OXR1: variants seen among roughly 807,000 people sequenced by gnomAD.
The protein encoded by OXR1 is oxidation resistance protein 1.
Under a neutral mutation model 104.6 loss-of-function variants are expected in OXR1, and 41 were observed. That is an observed-to-expected ratio of 0.39 (90% CI 0.31 to 0.51). OXR1 has a LOEUF of 0.51. OXR1 is among the 20% of genes least tolerant of loss of function. The probability of loss-of-function intolerance (pLI) is 0.77; values close to 1 mark genes in which losing one functional copy is unlikely to be tolerated. For synonymous variants in OXR1, 348 were observed against 348.4 expected (o/e 1.00, Z 0.01); for missense variants, 955 against 1,031.9 (o/e 0.93, Z 1.02).
intron 2 of OXR1, among the ~76,000 whole-genome samples, chr8:106,371,099 G>A (rs2130375322): frequency 6.6e-6 from 1 of 152,008 alleles, no homozygotes; most frequent in East Asian, 1.9e-4. Flanking sequence ...GGTCTATTCA[G>A]GGATTTGACT....
chr8:106,320,099 C>T (rs1041242047), intron 1 of OXR1, among the ~76,000 whole-genome samples: 2 of 152,174 alleles, frequency 1.3e-5, no homozygotes, highest in African/African-American at 4.8e-5. Flanking sequence ...ATTCAAAGCA[C>T]ACATCACATA....
At chr8:106,480,800 A>G (rs546267017) in intron 2 of OXR1, among the ~76,000 whole-genome samples, 46 of 152,146 alleles carry the variant, frequency 3.0e-4, no homozygotes, top group Admixed American at 3.9e-4. Flanking sequence ...TGCCTTGCCT[A>G]TCTCACAAAA....
intron 3 of OXR1, among the ~76,000 whole-genome samples, chr8:106,550,247 G>GA (rs1368496036): frequency 6.6e-6 from 1 of 152,174 alleles, no homozygotes; most frequent in Non-Finnish European, 1.5e-5. Context: ...TTCCAATGGA[G>GA]AAAAATGTTA....
intron 6 of OXR1, among the ~76,000 whole-genome samples, chr8:106,689,901 G>C (rs1206498207): frequency 6.6e-6 from 1 of 151,802 alleles, no homozygotes; most frequent in Non-Finnish European, 1.5e-5. Context: ...GAATATCAAA[G>C]TAGTTTGAAA....
At chr8:106,636,853 G>C (rs150721588) in intron 3 of OXR1, among the ~76,000 whole-genome samples, 142 of 152,280 alleles carry the variant, frequency 9.3e-4, no homozygotes, top group African/African-American at 3.1e-3. Flanking sequence ...CATGGTGACA[G>C]GCTCCCTATT....
chr8:106,705,375 G>T (rs1270541392), intron 8 of OXR1, among the ~76,000 whole-genome samples: 3 of 152,036 alleles, frequency 2.0e-5, no homozygotes, highest in South Asian at 2.1e-4. Context: ...ATCCATCCTA[G>T]TTATAGAAAT....
intron 2 of OXR1, among the ~76,000 whole-genome samples, chr8:106,441,729 G>T (rs1219275041): frequency 2.6e-5 from 4 of 152,136 alleles, no homozygotes; most frequent in African/African-American, 9.7e-5. Flanking sequence ...CCAATTGTTG[G>T]TGTAAAGGAA....
At chr8:106,295,279 G>A (rs535766701) in intron 1 of OXR1, among the ~76,000 whole-genome samples, 35 of 152,156 alleles carry the variant, frequency 2.3e-4, no homozygotes, top group African/African-American at 8.2e-4. Context: ...ATTTAAATGA[G>A]GATTACACAT....
chr8:106,500,202 A>G (rs1441949264), intron 2 of OXR1, among the ~76,000 whole-genome samples: 1 of 152,234 alleles, frequency 6.6e-6, no homozygotes, highest in Non-Finnish European at 1.5e-5. Flanking sequence ...AGACCCTCTC[A>G]TATTATTTTA....
intron 2 of OXR1, among the ~76,000 whole-genome samples, chr8:106,418,332 G>A (rs530577680): frequency 6.6e-6 from 1 of 152,054 alleles, no homozygotes; most frequent in Admixed American, 6.6e-5. Flanking sequence ...TAATATGTTT[G>A]TCTCCTCTCA....
intron 3 of OXR1, among the ~76,000 whole-genome samples, chr8:106,659,990 G>A (rs568500213): frequency 3.5e-4 from 54 of 152,350 alleles, no homozygotes; most frequent in African/African-American, 1.3e-3. Context: ...GAGGCGTTGT[G>A]AGGTCAAAGT....
At position 106,703,110 on chromosome 8, in the gene OXR1, T is replaced by C; in HGVS notation, c.860+20T>C. On this transcript the variant is annotated intron_variant, in intron 8 of 16. Transcript: ENST00000517566. The stretch of plus-strand genomic sequence containing the variant: ...ACCCATGTAAGAGTGATATTTATAT[T>C]CCTTTGCAACTTTATTGTATCTAGA... 6.5e-7 allele frequency: 1 copy of C among 1,540,068 alleles called. No individual in the cohort carries two copies. The highest frequency in any genetic ancestry group is 8.9e-7 in the Non-Finnish European group (1 of 1,117,592).
chr8:106,455,189 A>T (rs1820538217), intron 2 of OXR1, among the ~76,000 whole-genome samples: 1 of 152,116 alleles, frequency 6.6e-6, no homozygotes, highest in Non-Finnish European at 1.5e-5. Context: ...TTAACAAAGG[A>T]TTTGTTATTT....
chr8:106,453,877 G>A (rs1820459550), intron 2 of OXR1, among the ~76,000 whole-genome samples: 1 of 105,844 alleles, frequency 9.4e-6, no homozygotes, highest in South Asian at 2.9e-4. Flanking sequence ...ATCTAAGATG[G>A]TGTGATCAGA....
intron 3 of OXR1, among the ~76,000 whole-genome samples, chr8:106,603,047 T>A (rs1285940683): frequency 6.6e-6 from 1 of 152,236 alleles, no homozygotes; most frequent in Non-Finnish European, 1.5e-5. Context: ...TTTAAAAGCA[T>A]CTTTGCCATT....
chr8:106,604,630 T>C (rs1010529094), intron 3 of OXR1, among the ~76,000 whole-genome samples: 1 of 152,148 alleles, frequency 6.6e-6, no homozygotes, highest in African/African-American at 2.4e-5. Context: ...GACCTTAAAC[T>C]TGAGACAAAA....
At position 106,525,480 on chromosome 8, in the gene OXR1, G is replaced by A. The variant is rs117090772; in HGVS notation, c.220+6341G>A. 8.4e-3 allele frequency among the ~76,000 whole-genome samples: 1,279 copies of A among 152,320 alleles called. 51 individuals are homozygous for A. The highest frequency in any genetic ancestry group is 0.06 in the Admixed American group (920 of 15,308). On this transcript the variant is annotated intron_variant, in intron 3 of 16. Transcript: ENST00000517566. ...CAGCTAAAAGATTCTTCTGTCTGTA[G>A]TCCATTAGAGAAGGATTGGAATACC...
At chr8:106,420,858 T>A (rs1818876225) in intron 2 of OXR1, among the ~76,000 whole-genome samples, 1 of 151,994 alleles carries the variant, frequency 6.6e-6, no homozygotes, top group South Asian at 2.1e-4. Context: ...ATCTAGCTGG[T>A]CTTTATTTAA....
chr8:106,405,775 GACAA>G (rs1177944771), intron 2 of OXR1, among the ~76,000 whole-genome samples: 4 of 152,010 alleles, frequency 2.6e-5, no homozygotes, highest in East Asian at 1.9e-4. Context: ...GGCCAATTTA[GACAA>G]ACAAACAAAC....
Sources: allele counts gnomAD v4.1 joint callset (sites outside exome capture counted in the v4.1 genomes callset), GRCh38; gene constraint gnomAD v4.1.1; transcripts MANE v1.5; gene names NCBI Gene and HGNC (gene_info 2026-07-23, HGNC 2026-07-21).